The following ATXN1 variants were observed in gnomAD, a reference collection of about 807,000 sequenced individuals.
The protein encoded by ATXN1 is ataxin-1.
A neutral mutation model predicts 56.4 loss-of-function variants in ATXN1; 8 were observed. That is an observed-to-expected ratio of 0.14 (90% CI 0.08 to 0.26). The LOEUF (loss-of-function observed/expected upper bound fraction) is 0.26, where lower values mean the gene tolerates loss of function less well. ATXN1 is among the 10% of genes least tolerant of loss of function. The probability of loss-of-function intolerance (pLI) is 1.00; values close to 1 mark genes in which losing one functional copy is unlikely to be tolerated. For missense variants in ATXN1, 987 were observed against 1,106.5 expected (o/e 0.89, Z 1.53); for synonymous variants, 514 against 494.6 (o/e 1.04, Z -0.52).
intron 6 of ATXN1, among the ~76,000 whole-genome samples, chr6:16,448,810 C>T (rs531580738): frequency 2.4e-4 from 37 of 152,322 alleles, no homozygotes; most frequent in Admixed American, 7.8e-4. Flanking sequence ...CACCACTGCA[C>T]CTTTGATGTC....
chr6:16,660,798 C>T (rs1283161750), intron 2 of ATXN1, among the ~76,000 whole-genome samples: 2 of 146,452 alleles, frequency 1.4e-5, no homozygotes, highest in African/African-American at 5.0e-5. Context: ...AGTAGAATAT[C>T]AACTCAGGGA....
chr6:16,405,970 T>C (rs1402073131), intron 6 of ATXN1, among the ~76,000 whole-genome samples: 1 of 152,188 alleles, frequency 6.6e-6, no homozygotes, highest in Non-Finnish European at 1.5e-5. Flanking sequence ...GAAATGCCAG[T>C]GTATGAACCA....
In ATXN1 at chr6:16,304,661, A is replaced by T. The variant is rs534944115; in HGVS notation, c.*1668T>A. 1.3e-5 allele frequency: 2 copies of T among 152,740 alleles called. No homozygotes were observed. Among genetic ancestry groups the T allele is most frequent in the East Asian group, 3.9e-4 (2 of 5,182 alleles). The allele number at this position is 152,740 out of a possible 1,614,324, so 9.5% of individuals were successfully genotyped here. ...TTTCAAAGGAACATAACCTTATAAAATGGCCTAGAGTTTAGGCAGGTTAGA... is the reference window on the plus strand; with the variant it reads ...TTTCAAAGGAACATAACCTTATAAATTGGCCTAGAGTTTAGGCAGGTTAGA... On this transcript the variant is annotated 3_prime_UTR_variant, in exon 8 of 8. Transcript: ENST00000436367.
chr6:16,635,417 A>T (rs1244883636), intron 3 of ATXN1, among the ~76,000 whole-genome samples: 1 of 152,212 alleles, frequency 6.6e-6, no homozygotes, highest in African/African-American at 2.4e-5. Context: ...GTCTGTGGAA[A>T]AACTGTCTTC....
At chr6:16,600,975 A>G (rs1762901743) in intron 3 of ATXN1, among the ~76,000 whole-genome samples, 1 of 152,192 alleles carries the variant, frequency 6.6e-6, no homozygotes, top group African/African-American at 2.4e-5. Flanking sequence ...TGTACTCTCA[A>G]TACAATTTGG....
intron 4 of ATXN1, among the ~76,000 whole-genome samples, chr6:16,542,193 G>A (rs1314047405): frequency 2.0e-5 from 3 of 152,164 alleles, no homozygotes; most frequent in South Asian, 2.1e-4. Context: ...TGGGTGAACA[G>A]AGGAGGGAGA....
At chr6:16,750,866 A>T (rs1305928542) in intron 2 of ATXN1, among the ~76,000 whole-genome samples, 2 of 152,164 alleles carry the variant, frequency 1.3e-5, no homozygotes, top group Non-Finnish European at 2.9e-5. Flanking sequence ...CAAAGATCTA[A>T]ATGTGAGGAT....
intron 6 of ATXN1, among the ~76,000 whole-genome samples, chr6:16,362,254 G>A (rs1311208516): frequency 1.3e-5 from 2 of 152,160 alleles, no homozygotes; most frequent in African/African-American, 4.8e-5. Context: ...GGATGGCTTT[G>A]GAGACCAGGC....
chr6:16,542,227 C>T (rs1397496431), intron 4 of ATXN1, among the ~76,000 whole-genome samples: 2 of 152,168 alleles, frequency 1.3e-5, no homozygotes, highest in Non-Finnish European at 2.9e-5. Flanking sequence ...CCAATGGGTT[C>T]TCTGCACAGC....
chr6:16,582,287 T>A (rs1448308160), intron 4 of ATXN1, among the ~76,000 whole-genome samples: 1 of 152,214 alleles, frequency 6.6e-6, no homozygotes, highest in Non-Finnish European at 1.5e-5. Flanking sequence ...GTTGACTGTA[T>A]CTCCCTGAGA....
intron 4 of ATXN1, among the ~76,000 whole-genome samples, chr6:16,530,429 C>A (rs1341333459): frequency 2.0e-5 from 3 of 152,206 alleles, no homozygotes; most frequent in Non-Finnish European, 4.4e-5. Flanking sequence ...GTTAGTGAAG[C>A]AGTACGATTC....
intron 2 of ATXN1, among the ~76,000 whole-genome samples, chr6:16,700,022 C>T (rs1349855978): frequency 6.6e-6 from 1 of 152,176 alleles, no homozygotes. Context: ...TATTCCAAGT[C>T]ACAAAATAAA....
At chr6:16,704,136 C>T (rs1463626031) in intron 2 of ATXN1, among the ~76,000 whole-genome samples, 1 of 152,160 alleles carries the variant, frequency 6.6e-6, no homozygotes, top group Admixed American at 6.5e-5. Context: ...CGTCATGGAG[C>T]CCACACTGTA....
chr6:16,459,254 G>T (rs1008437412), intron 6 of ATXN1, among the ~76,000 whole-genome samples: 1 of 152,152 alleles, frequency 6.6e-6, no homozygotes, highest in African/African-American at 2.4e-5. Flanking sequence ...CAACCCTGAA[G>T]TCTGGGCATT....
chr6:16,599,359 C>T (rs982035660), intron 3 of ATXN1, among the ~76,000 whole-genome samples: 6 of 151,886 alleles, frequency 4.0e-5, no homozygotes, highest in Admixed American at 1.3e-4. Context: ...TTTGAAAGGC[C>T]GCTACTAAGA....
chr6:16,583,129 T>C (rs1762557526), intron 4 of ATXN1, among the ~76,000 whole-genome samples: 1 of 152,242 alleles, frequency 6.6e-6, no homozygotes, highest in Admixed American at 6.5e-5. Flanking sequence ...TTATGACACA[T>C]TAAGGAGGTA....
chr6:16,499,274 A>AT (rs1760833362), intron 5 of ATXN1, among the ~76,000 whole-genome samples: 2 of 152,152 alleles, frequency 1.3e-5, no homozygotes, highest in Non-Finnish European at 2.9e-5. Flanking sequence ...GGTAAGAGAG[A>AT]TTTTGAGTAT....
chr6:16,323,628 T>C (rs530727615), intron 7 of ATXN1, among the ~76,000 whole-genome samples: 1 of 151,864 alleles, frequency 6.6e-6, no homozygotes, highest in South Asian at 2.1e-4. Flanking sequence ...GCTGCCTTCA[T>C]TCTCAAGCTG....
intron 3 of ATXN1, among the ~76,000 whole-genome samples, chr6:16,654,938 C>G (rs1283362876): frequency 3.3e-5 from 5 of 152,132 alleles, no homozygotes; most frequent in Non-Finnish European, 5.9e-5. Flanking sequence ...AAAAAAAATG[C>G]TGTTATGAAA....
Sources: gnomAD v4.1 joint callset for allele counts (sites outside exome capture counted in the v4.1 genomes callset) on GRCh38, gnomAD v4.1.1 for gene constraint, MANE v1.5 for transcripts, NCBI Gene and HGNC (gene_info 2026-07-23, HGNC 2026-07-21) for gene names.